Variants in KCNN2 observed in about 807,000 individuals in gnomAD.
KCNN2 encodes the protein potassium calcium-activated channel subfamily N member 2.
KCNN2 carries 24 observed loss-of-function variants against 55.5 expected under a neutral mutation model. That is an observed-to-expected ratio of 0.43 (90% CI 0.31 to 0.61). The LOEUF is 0.61. KCNN2 is among the 20% of genes least tolerant of loss of function. KCNN2 has a pLI of 0.08. For synonymous variants in KCNN2, 431 were observed against 336.1 expected (o/e 1.28, Z -3.09); for missense variants, 754 against 853.6 (o/e 0.88, Z 1.45).
At chr5:114,252,525 A>C (rs1307188345) in intron 2 of KCNN2, among the ~76,000 whole-genome samples, 2 of 152,166 alleles carry the variant, frequency 1.3e-5, no homozygotes, top group African/African-American at 4.8e-5. Flanking sequence ...TTATTATATA[A>C]GATGGAGCTT....
intron 1 of KCNN2, among the ~76,000 whole-genome samples, chr5:114,073,447 T>C (rs1377134186): frequency 2.0e-5 from 3 of 152,252 alleles, no homozygotes; most frequent in African/African-American, 7.2e-5. Flanking sequence ...GGCTCCTTGT[T>C]CATATTTTTG....
intron 2 of KCNN2, among the ~76,000 whole-genome samples, chr5:114,284,342 A>C (rs1301759456): frequency 2.0e-5 from 3 of 152,280 alleles, no homozygotes; most frequent in Non-Finnish European, 4.4e-5. Context: ...GTTTGTGTGA[A>C]TAATAATTGG....
chr5:114,487,788 C>G (rs1747646606), intron 6 of KCNN2, among the ~76,000 whole-genome samples: 1 of 152,128 alleles, frequency 6.6e-6, no homozygotes, highest in African/African-American at 2.4e-5. Context: ...CAGGATCTTT[C>G]TCCTCCGGGC....
intron 1 of KCNN2, among the ~76,000 whole-genome samples, chr5:114,105,967 G>A (rs1384725101): frequency 6.6e-6 from 1 of 151,780 alleles, no homozygotes; most frequent in Non-Finnish European, 1.5e-5. Flanking sequence ...ATTTGTTATA[G>A]TCATAGTGTA....
At position 114,374,608 on chromosome 5, in the gene KCNN2, C is replaced by T. The variant is rs1561593664; in HGVS notation, c.1218+10607C>T. Among the ~76,000 whole-genome samples, 3 of 152,056 alleles carry T rather than the reference C, an allele frequency of 2.0e-5. No individual in the cohort carries two copies. In the East Asian group the frequency reaches 5.8e-4, roughly 29 times the overall value. On this transcript the variant is annotated intron_variant, in intron 2 of 7. Coordinates refer to ENST00000673685, the MANE Select transcript of KCNN2 (RefSeq NM_021614.4). ...TACAGTGATTGTTTTGCTTTTTTATCAGGGAGCTTGTATCTTTTCTGTTTT... is the reference window on the plus strand; with the variant it reads ...TACAGTGATTGTTTTGCTTTTTTATTAGGGAGCTTGTATCTTTTCTGTTTT...
At chr5:114,360,348 C>A (rs1757380294), upstream of KCNN2, among the ~76,000 whole-genome samples, 1 of 152,160 alleles carries the variant, frequency 6.6e-6, no homozygotes, top group Admixed American at 6.5e-5. Flanking sequence ...TTTAGGGCAG[C>A]TGCCGAGTAG....
At chr5:114,194,386 G>C (rs139200043) in intron 1 of KCNN2, among the ~76,000 whole-genome samples, 1 of 151,958 alleles carries the variant, frequency 6.6e-6, no homozygotes, top group East Asian at 1.9e-4. Context: ...TTTTATTATA[G>C]CCATCCTAGT....
intron 5 of KCNN2, among the ~76,000 whole-genome samples, chr5:114,474,686 C>G (rs1320291743): frequency 6.6e-6 from 1 of 152,126 alleles, no homozygotes; most frequent in Non-Finnish European, 1.5e-5. Context: ...TTTCAGGGCT[C>G]TATGCTGGGA....
intron 2 of KCNN2, among the ~76,000 whole-genome samples, chr5:114,279,116 T>A (rs1027213986): frequency 1.4e-4 from 21 of 152,076 alleles, no homozygotes; most frequent in African/African-American, 5.1e-4. Context: ...ATTTTCTTAG[T>A]GACTGTAATA....
chr5:114,213,677 G>T (rs1332269084), intron 1 of KCNN2, among the ~76,000 whole-genome samples: 1 of 151,774 alleles, frequency 6.6e-6, no homozygotes, highest in African/African-American at 2.4e-5. Context: ...ATGATCTTCA[G>T]TCCATTGCAT....
intron 1 of KCNN2, among the ~76,000 whole-genome samples, chr5:114,096,992 C>T (rs1751270685): frequency 8.0e-6 from 1 of 124,978 alleles, no homozygotes; most frequent in Non-Finnish European, 1.8e-5. Flanking sequence ...AGGTAACTGG[C>T]CCAGGGTTAC....
intron 1 of KCNN2, among the ~76,000 whole-genome samples, chr5:114,169,426 T>C (rs910962856): frequency 3.9e-5 from 6 of 151,964 alleles, no homozygotes; most frequent in Non-Finnish European, 1.5e-5. Flanking sequence ...GTACAGGACA[T>C]ATGAAAAAGA....
chr5:114,293,534 G>A (rs897327679), intron 2 of KCNN2, among the ~76,000 whole-genome samples: 1 of 152,178 alleles, frequency 6.6e-6, no homozygotes, highest in Non-Finnish European at 1.5e-5. Context: ...GCATCCCAGG[G>A]ATGACGCCCA....
chr5:114,201,743 G>A (rs575639302), intron 1 of KCNN2, among the ~76,000 whole-genome samples: 1 of 152,118 alleles, frequency 6.6e-6, no homozygotes, highest in African/African-American at 2.4e-5. Context: ...AAGCTGTGGG[G>A]AGTGTGGTCT....
At chr5:114,428,251 T>A (rs1412886325) in intron 3 of KCNN2, among the ~76,000 whole-genome samples, 1 of 152,182 alleles carries the variant, frequency 6.6e-6, no homozygotes, top group Non-Finnish European at 1.5e-5. Flanking sequence ...AGTTTCTCAT[T>A]AGAATAATGA....
chr5:114,442,144 C>T (rs1359713229), intron 3 of KCNN2, among the ~76,000 whole-genome samples: 1 of 151,874 alleles, frequency 6.6e-6, no homozygotes, highest in Non-Finnish European at 1.5e-5. Flanking sequence ...CAAAACAGTA[C>T]AAAAGTGACA....
At chr5:114,357,909 C>T (rs1420295276), upstream of KCNN2, among the ~76,000 whole-genome samples, 1 of 151,148 alleles carries the variant, frequency 6.6e-6, no homozygotes, top group East Asian at 2.0e-4. Context: ...AGTTTACAGT[C>T]CCACCAACAG....
chr5:114,232,583 G>A (rs1754383961), intron 2 of KCNN2, among the ~76,000 whole-genome samples: 1 of 150,962 alleles, frequency 6.6e-6, no homozygotes, highest in Non-Finnish European at 1.5e-5. Flanking sequence ...AATATATCAG[G>A]CTTAACCAAA....
At chr5:114,168,013 C>T (rs914684560) in intron 1 of KCNN2, among the ~76,000 whole-genome samples, 3 of 151,930 alleles carry the variant, frequency 2.0e-5, no homozygotes, top group East Asian at 1.9e-4. Context: ...CTTTTTATTG[C>T]GAGTAGCATG....
Sources: gnomAD v4.1 joint callset for allele counts (sites outside exome capture counted in the v4.1 genomes callset) on GRCh38, gnomAD v4.1.1 for gene constraint, MANE v1.5 for transcripts, NCBI Gene and HGNC (gene_info 2026-07-23, HGNC 2026-07-21) for gene names.